Variants in TBATA observed in about 807,000 individuals in gnomAD.
TBATA encodes the protein thymus, brain and testes associated, also known as protein TBATA.
Under a neutral mutation model 38.7 loss-of-function variants are expected in TBATA, and 47 were observed. The ratio of observed to expected loss-of-function variants is 1.21; its 90% CI spans 0.96 to 1.55. The LOEUF is 1.55. Among genes scored for constraint, TBATA ranks in the 40% most tolerant of loss-of-function variants. The probability of loss-of-function intolerance (pLI) is 0.00; values close to 1 mark genes in which losing one functional copy is unlikely to be tolerated. For synonymous variants in TBATA, 183 were observed against 170.5 expected (o/e 1.07, Z -0.57); for missense variants, 436 against 435.6 (o/e 1.00, Z -0.01).
intron 5 of TBATA, among the ~76,000 whole-genome samples, chr10:70,779,090 C>T (rs376954691): frequency 6.6e-6 from 1 of 152,214 alleles, no homozygotes; most frequent in Non-Finnish European, 1.5e-5. Context: ...CCAAGTCTCT[C>T]TGCCCTGCAC....
At chr10:70,775,349 A>T in intron 7 of TBATA, 79 bp from the exon 8 acceptor site, 1 of 1,282,400 alleles carries the variant, frequency 7.8e-7, no homozygotes, top group Non-Finnish European at 1.1e-6. Flanking sequence ...GAGGGCACCA[A>T]GGAGACCCTT....
rs917655236 is a variant in TBATA, at chr10:70,783,479, C to G, written c.-100G>C. The G allele has an allele frequency of 2.2e-6, 3 of 1,385,260 alleles. No homozygotes were observed. Among genetic ancestry groups the G allele is most frequent in the Middle Eastern group, 3.8e-4 (2 of 5,262 alleles). 85.8% of individuals were successfully genotyped at this position (1,385,260 alleles called of 1,614,324 possible). A position where few individuals can be genotyped will look rare whatever the true frequency, so the allele number is the denominator to read the frequency against. On this transcript the variant is annotated 5_prime_UTR_variant, in exon 3 of 11. Transcript: ENST00000456372. ...TAATACTAGTGTTGAGGATGCAGAA[C>G]AGGAACTCTCACGAACTGGTGGTGG...
chr10:70,779,564 G>A (rs1364772696), intron 5 of TBATA, 29 bp downstream of exon 5: 3 of 1,460,024 alleles, frequency 2.1e-6, no homozygotes, highest in South Asian at 1.6e-5. Context: ...GAGCCCCAGG[G>A]TAGAGGGAGG....
rs774350593 is a variant in TBATA, at chr10:70,777,224, C to G, written c.622G>C (p.Gly208Arg). The G allele has an allele frequency of 3.1e-6, 5 of 1,613,632 alleles. No individual in the cohort carries two copies. The highest frequency in any genetic ancestry group is 4.2e-6 in the Non-Finnish European group (5 of 1,179,938). The change falls in exon 7 of 11, where the codon GGC (glycine) becomes CGC (arginine). Residue 208 changes from glycine to arginine, a missense_variant. Coordinates refer to ENST00000456372, the MANE Select transcript of TBATA (RefSeq NM_001318241.2). The part of the protein sequence containing the change: ...RAVGRRRSHQ[G>R]QQSQSSSRHE... ...CTGCTGGAAGACTGACTCTGCTGGC[C>G]CTGGTGAGATCTGCGGCGGCCGACA...
At chr10:70,776,524 T>C in intron 7 of TBATA, 4 of 407,508 alleles carry the variant, frequency 9.8e-6, no homozygotes, top group South Asian at 7.0e-5. Flanking sequence ...CTATCCACTT[T>C]GCTGCATTGT....
chr10:70,779,798 AG>A, intron 4 of TBATA, 56 bp from the exon 5 acceptor site: 2 of 1,489,122 alleles, frequency 1.3e-6, no homozygotes, highest in Non-Finnish European at 1.8e-6. Context: ...TAAGAGCTCC[AG>A]GAGGCAGGGA....
At chr10:70,782,278 A>G in intron 3 of TBATA, 1 of 1,486,424 alleles carries the variant, frequency 6.7e-7, no homozygotes, top group Non-Finnish European at 9.0e-7. Context: ...ATTTGAGGGA[A>G]CTCAGACTCT....
chr10:70,776,157 G>A (rs565469230), intron 7 of TBATA, among the ~76,000 whole-genome samples: 1 of 152,240 alleles, frequency 6.6e-6, no homozygotes, highest in Admixed American at 6.5e-5. Context: ...GGGGCCCGTC[G>A]GTCCCCAGCA....
At chr10:70,773,192 A>G (rs1198395968) in intron 9 of TBATA, among the ~76,000 whole-genome samples, 6 of 152,066 alleles carry the variant, frequency 3.9e-5, no homozygotes, top group African/African-American at 1.4e-4. Context: ...AGGGAACACC[A>G]AGTCCAAGGC....
At chr10:70,778,762 A>T in intron 5 of TBATA, 126 bp from the exon 6 acceptor site, 3 of 767,050 alleles carry the variant, frequency 3.9e-6, no homozygotes, top group Non-Finnish European at 4.4e-6. Flanking sequence ...TTAAAGGGAA[A>T]GGGGGAGGCG....
rs1844525670 is a variant in TBATA, at chr10:70,783,548, A to G, written c.-146-23T>C. The G allele has an allele frequency of 6.3e-5, 43 of 679,972 alleles. No homozygotes were observed. In the South Asian group the frequency reaches 7.4e-4, roughly 12 times the overall value. The allele number at this position is 679,972 out of a possible 1,614,324, so 42.1% of individuals were successfully genotyped here. On this transcript the variant is annotated intron_variant, in intron 2 of 10. Transcript: ENST00000456372. ...GCACTTTAGGGGGAGAAATGGTAAT[A>G]TCTTTTAAAATTGAGCATTTGCATG...
At chr10:70,772,439 C>T (rs145875929) in intron 10 of TBATA, 75 bp downstream of exon 10, 2 of 1,427,234 alleles carry the variant, frequency 1.4e-6, no homozygotes, top group African/African-American at 2.8e-5. Context: ...TCCAAGTTGA[C>T]TGGAATCCCC....
Position 70,777,236 on chromosome 10 carries a change from T to C in TBATA, c.610A>G (p.Arg204Gly). The change falls in exon 7 of 11, where the codon AGA (arginine) becomes GGA (glycine). Residue 204 changes from arginine to glycine, a missense_variant. By Grantham distance (125) the Arg-to-Gly change is moderately radical. Coordinates refer to ENST00000456372, the MANE Select transcript of TBATA (RefSeq NM_001318241.2). ...PASTRAVGRR[R>G]SHQGQQSQSS... ...TGACTCTGCTGGCCCTGGTGAGATC[T>C]GCGGCGGCCGACAGCCCGGGTGGAA... 1 of 1,613,598 alleles carries C rather than the reference T, an allele frequency of 6.2e-7. No homozygotes were observed. The highest frequency in any genetic ancestry group is 8.5e-7 in the Non-Finnish European group (1 of 1,179,920).
intron 7 of TBATA, 60 bp from the exon 8 acceptor site, chr10:70,775,330 G>A (rs915640906): frequency 4.7e-6 from 7 of 1,499,670 alleles, no homozygotes; most frequent in African/African-American, 2.7e-5. Flanking sequence ...ACAGGCAAAT[G>A]TAGGTTTGGA....
At chr10:70,780,173 G>A (rs748845302) in intron 4 of TBATA, among the ~76,000 whole-genome samples, 1 of 152,194 alleles carries the variant, frequency 6.6e-6, no homozygotes, top group Admixed American at 6.5e-5. Flanking sequence ...ATGACAGGGA[G>A]AGAGATTGAG....
At chr10:70,777,693 CTTG>C in intron 6 of TBATA, 1 of 386,496 alleles carries the variant, frequency 2.6e-6, no homozygotes, top group Non-Finnish European at 5.0e-6. Flanking sequence ...GTAGGTCCTC[CTTG>C]CTGCTCCTCC....
At chr10:70,780,778 A>G (rs2265549) in intron 4 of TBATA, among the ~76,000 whole-genome samples, 129,935 of 152,106 alleles carry the variant, frequency 0.85, 55,541 homozygotes, top group East Asian at 0.91. Flanking sequence ...CAGGTGCTCA[A>G]GCCAAAAATC....
At position 70,781,912 on chromosome 10, in the gene TBATA, A is replaced by G; in HGVS notation, c.166T>C (p.Leu56=). 1 of 1,614,212 alleles carries G rather than the reference A, an allele frequency of 6.2e-7. No homozygotes were observed. The change falls in exon 4 of 11, where the codon TTG becomes CTG. Residue 56 remains leucine, a synonymous_variant. Transcript: ENST00000456372. ...IVDFERIRRA[L]RTPKPQTPGT... ...GGGGTTTGGGGCTTTGGGGTCCTCAATGCCCGGCGGATCCGCTCGAAATCC... is the reference window on the plus strand; with the variant it reads ...GGGGTTTGGGGCTTTGGGGTCCTCAGTGCCCGGCGGATCCGCTCGAAATCC...
At chr10:70,778,233 A>G (rs778161212) in intron 6 of TBATA, among the ~76,000 whole-genome samples, 1 of 151,856 alleles carries the variant, frequency 6.6e-6, no homozygotes, top group African/African-American at 2.4e-5. Context: ...CTGCCCACTT[A>G]TAGCCTGGTT....
Sources: allele counts gnomAD v4.1 joint callset (sites outside exome capture counted in the v4.1 genomes callset), GRCh38; gene constraint gnomAD v4.1.1; transcripts MANE v1.5; gene names NCBI Gene and HGNC (gene_info 2026-07-23, HGNC 2026-07-21).